The following UEVLD variants were observed in gnomAD, a reference collection of about 807,000 sequenced individuals.
UEVLD encodes the protein UEV and lactate/malate dehyrogenase domains.
UEVLD carries 47 observed loss-of-function variants against 58.6 expected under a neutral mutation model. The observed-to-expected ratio is 0.80, with a 90% CI of 0.63 to 1.02. UEVLD has a LOEUF of 1.02. Among genes scored for constraint, UEVLD ranks in the 50% least tolerant of loss-of-function variants. The probability of loss-of-function intolerance (pLI) is 0.00; values close to 1 mark genes in which losing one functional copy is unlikely to be tolerated. For synonymous variants in UEVLD, 197 were observed against 195.3 expected, an observed-to-expected ratio of 1.01 and a Z score of -0.07; for missense variants, 510 against 550.6, an observed-to-expected ratio of 0.93 and a Z score of 0.74.
At position 18,580,385 on chromosome 11, in the gene UEVLD, G is replaced by A. The variant is rs1049990336; in HGVS notation, c.43-1577C>T. Among the ~76,000 whole-genome samples, 14 of 151,988 alleles carry A rather than the reference G, an allele frequency of 9.2e-5. No homozygotes were observed. In the South Asian group the frequency reaches 1.5e-3, roughly 16 times the overall value. Reference sequence around the variant, plus strand: ...GTATACACCCAAGAAAAATGAAAACGGGTACCTACACAAAAACTTGTATGC... The same window carrying A: ...GTATACACCCAAGAAAAATGAAAACAGGTACCTACACAAAAACTTGTATGC... On this transcript the variant is annotated intron_variant, in intron 1 of 11. Transcript: ENST00000396197.
At chr11:18,550,117 C>T (rs531514066) in intron 7 of UEVLD, among the ~76,000 whole-genome samples, 9 of 152,218 alleles carry the variant, frequency 5.9e-5, no homozygotes, top group South Asian at 4.1e-4. Context: ...CCACTGTGCC[C>T]GGCCTCCTTT....
At chr11:18,540,644 C>G (rs11024706) in intron 9 of UEVLD, among the ~76,000 whole-genome samples, 1 of 152,090 alleles carries the variant, frequency 6.6e-6, no homozygotes, top group Non-Finnish European at 1.5e-5. Context: ...TGTTTTAACA[C>G]TGGCATTATG....
chr11:18,545,024 A>T (rs1375941633), intron 8 of UEVLD, among the ~76,000 whole-genome samples: 1 of 147,908 alleles, frequency 6.8e-6, no homozygotes, highest in Non-Finnish European at 1.5e-5. Flanking sequence ...ATATACGTGT[A>T]TATATGTGTG....
At chr11:18,552,253 T>C (rs2133989687) in intron 7 of UEVLD, among the ~76,000 whole-genome samples, 1 of 152,332 alleles carries the variant, frequency 6.6e-6, no homozygotes, top group East Asian at 1.9e-4. Flanking sequence ...CTATTAAAAA[T>C]CTTCCTGAAG....
At position 18,529,712 on chromosome 11, in the gene UEVLD, A is replaced by C. The variant is rs1850489866; in HGVS notation, c.*2608T>G. On this transcript the variant is annotated 3_prime_UTR_variant, in exon 12 of 12. Transcript: ENST00000396197. The stretch of plus-strand genomic sequence containing the variant: ...TCTGCTACATCAAAAAAGCATTTTA[A>C]TCCAAACCCCACTAAAAATTATAAC... The C allele has an allele frequency of 6.6e-6, 1 of 152,228 alleles. No individual in the cohort carries two copies. The highest frequency in any genetic ancestry group is 1.5e-5 in the Non-Finnish European group (1 of 68,028). The allele number at this position is 152,228 out of a possible 1,614,324, so 9.4% of individuals were successfully genotyped here.
At chr11:18,571,149 C>T (rs552248718) in intron 3 of UEVLD, among the ~76,000 whole-genome samples, 1 of 152,080 alleles carries the variant, frequency 6.6e-6, no homozygotes, top group East Asian at 1.9e-4. Context: ...AGTTTGAGAC[C>T]AGCCTGACCA....
At chr11:18,542,687 T>C (rs1384993584) in intron 9 of UEVLD, among the ~76,000 whole-genome samples, 2 of 152,084 alleles carry the variant, frequency 1.3e-5, no homozygotes, top group African/African-American at 4.8e-5. Flanking sequence ...AACCTAGATA[T>C]CATCAATGTT....
intron 1 of UEVLD, among the ~76,000 whole-genome samples, chr11:18,580,930 AGGTG>A (rs1187471550): frequency 3.9e-5 from 6 of 152,158 alleles, no homozygotes; most frequent in African/African-American, 1.4e-4. Flanking sequence ...TGGGAGGCTA[AGGTG>A]GGTGGATCAC....
At chr11:18,585,740 C>T (rs184722623) in intron 1 of UEVLD, among the ~76,000 whole-genome samples, 19 of 151,770 alleles carry the variant, frequency 1.3e-4, no homozygotes, top group Non-Finnish European at 1.8e-4. Context: ...TGGGTTCAAG[C>T]GATTCTCCTG....
At position 18,576,150 on chromosome 11, in the gene UEVLD, T is replaced by C. The variant is rs182341037; in HGVS notation, c.128-738A>G. ...CTTTGGGAAGAACTTAATTTATAAT[T>C]TATAGTTTAAAACAAAGACAATAAC... is the stretch of plus-strand genomic sequence containing the variant. On this transcript the variant is annotated intron_variant, in intron 2 of 11. Transcript: ENST00000396197. 3.7e-3 allele frequency among the ~76,000 whole-genome samples: 564 copies of C among 152,308 alleles called. 5 individuals are homozygous for C. The highest frequency in any genetic ancestry group is 0.013 in the African/African-American group (545 of 41,558).
chr11:18,566,570 C>T lies in UEVLD; in HGVS notation c.358-88G>A. ...TTGAGGCAGGAGTATTACTTGAGCC[C>T]AGGAGTTTCAGATGCAGTGAGTTAT... is the stretch of plus-strand genomic sequence containing the variant. On this transcript the variant is annotated intron_variant, in intron 4 of 11. Coordinates refer to ENST00000396197, the MANE Select transcript of UEVLD (RefSeq NM_001040697.4). The T allele has an allele frequency of 2.8e-6, 4 of 1,405,660 alleles. No individual in the cohort carries two copies. The South Asian group carries it at 3.9e-5, about 14-fold the overall frequency. The allele number at this position is 1,405,660 out of a possible 1,614,324, so 87.1% of individuals were successfully genotyped here.
chr11:18,587,217 C>T (rs565789966), intron 1 of UEVLD, among the ~76,000 whole-genome samples: 10 of 152,316 alleles, frequency 6.6e-5, no homozygotes, highest in Admixed American at 6.5e-4. Flanking sequence ...TTGAACAATT[C>T]TTCCCATCGG....
chr11:18,550,594 C>T (rs1185061042), intron 7 of UEVLD, among the ~76,000 whole-genome samples: 1 of 152,198 alleles, frequency 6.6e-6, no homozygotes, highest in Admixed American at 6.5e-5. Flanking sequence ...GAACCAGCAA[C>T]TATCTCAATC....
At chr11:18,563,663 G>A (rs12792924) in intron 6 of UEVLD, 14,211 of 981,330 alleles carry the variant, frequency 0.014, 122 homozygotes, top group Middle Eastern at 0.032. Context: ...GTTTATAGAA[G>A]CATTTATTTA....
At chr11:18,576,691 C>T (rs1450732588) in intron 2 of UEVLD, among the ~76,000 whole-genome samples, 1 of 152,142 alleles carries the variant, frequency 6.6e-6, no homozygotes, top group Non-Finnish European at 1.5e-5. Flanking sequence ...CTGGCACCAC[C>T]CAGATTGATA....
At chr11:18,551,748 G>C (rs1851539650) in intron 7 of UEVLD, among the ~76,000 whole-genome samples, 1 of 152,166 alleles carries the variant, frequency 6.6e-6, no homozygotes, top group Admixed American at 6.6e-5. Flanking sequence ...CATTTCTATA[G>C]GTAGCCCAGA....
At chr11:18,571,792 C>A (rs1389471399) in intron 3 of UEVLD, among the ~76,000 whole-genome samples, 2 of 152,148 alleles carry the variant, frequency 1.3e-5, no homozygotes, top group Non-Finnish European at 2.9e-5. Flanking sequence ...CAATGCAAGA[C>A]CCTGGTGTGG....
intron 8 of UEVLD, among the ~76,000 whole-genome samples, 168 bp downstream of exon 8, chr11:18,546,712 T>C (rs1426207855): frequency 6.6e-6 from 1 of 152,130 alleles, no homozygotes; most frequent in African/African-American, 2.4e-5. Flanking sequence ...TTGGTCAGGA[T>C]GGTCTGGAAC....
rs1850567553 is a variant in UEVLD, at chr11:18,531,721, G to C, written c.*599C>G. On this transcript the variant is annotated 3_prime_UTR_variant, in exon 12 of 12. Coordinates refer to ENST00000396197, the MANE Select transcript of UEVLD (RefSeq NM_001040697.4). Reference sequence around the variant, plus strand: ...CTGGAAATTAAAGTAAACTTTTAATGCATATATTTTAAAAATTCACTTTCC... The same window carrying C: ...CTGGAAATTAAAGTAAACTTTTAATCCATATATTTTAAAAATTCACTTTCC... 6.6e-6 allele frequency: 1 copy of C among 152,166 alleles called. No individual in the cohort carries two copies. Among genetic ancestry groups the C allele is most frequent in the Non-Finnish European group, 1.5e-5 (1 of 68,030 alleles). The allele number at this position is 152,166 out of a possible 1,614,324, so 9.4% of individuals were successfully genotyped here. A position where few individuals can be genotyped will look rare whatever the true frequency, so the allele number is the denominator to read the frequency against.
Sources: gnomAD v4.1 joint callset for allele counts (sites outside exome capture counted in the v4.1 genomes callset) on GRCh38, gnomAD v4.1.1 for gene constraint, MANE v1.5 for transcripts, NCBI Gene and HGNC (gene_info 2026-07-23, HGNC 2026-07-21) for gene names.